SDE2: variants seen among roughly 807,000 people sequenced by gnomAD.
SDE2 encodes spliceosome associated SDE2, also known as splicing regulator SDE2.
Under a neutral mutation model 46.9 loss-of-function variants are expected in SDE2, and 31 were observed. The observed-to-expected ratio is 0.66, with a 90% CI of 0.50 to 0.89. SDE2 has a LOEUF of 0.89. Ranked by LOEUF, SDE2 falls within the 40% of genes least tolerant of loss-of-function variation. SDE2 has a pLI of 0.00. For synonymous variants in SDE2, 205 were observed against 204.3 expected, an observed-to-expected ratio of 1.00 and a Z score of -0.03; for missense variants, 542 against 564.4, an observed-to-expected ratio of 0.96 and a Z score of 0.40.
chr1:225,994,078 ATTC>A (rs1251679275), intron 2 of SDE2, among the ~76,000 whole-genome samples: 1 of 146,166 alleles, frequency 6.8e-6, no homozygotes, highest in Non-Finnish European at 1.5e-5. Context: ...CACATGCTTC[ATTC>A]TTTTTTTTTT....
intron 1 of SDE2, among the ~76,000 whole-genome samples, chr1:225,997,368 T>C (rs1431477297): frequency 6.6e-6 from 1 of 152,236 alleles, no homozygotes; most frequent in Non-Finnish European, 1.5e-5. Context: ...CTTTTGTGTT[T>C]CTATTCATAT....
chr1:225,991,867 AC>A (rs1656407792), intron 4 of SDE2, among the ~76,000 whole-genome samples: 1 of 152,200 alleles, frequency 6.6e-6, no homozygotes, highest in Non-Finnish European at 1.5e-5. Context: ...CTAAACACAA[AC>A]AAAAAATTTT....
At chr1:225,997,501 C>T (rs780116012) in intron 1 of SDE2, among the ~76,000 whole-genome samples, 1 of 152,186 alleles carries the variant, frequency 6.6e-6, no homozygotes, top group Non-Finnish European at 1.5e-5. Context: ...TCAATCTCGG[C>T]TCACTGCAAC....
At position 225,984,175 on chromosome 1, in the gene SDE2, A is replaced by C. The variant is rs1191701566; in HGVS notation, c.*1127T>G. 6.6e-6 allele frequency: 1 copy of C among 152,080 alleles called. No homozygotes were observed. The highest frequency in any genetic ancestry group is 1.5e-5 in the Non-Finnish European group (1 of 68,026). The allele number at this position is 152,080 out of a possible 1,614,324, so 9.4% of individuals were successfully genotyped here. On this transcript the variant is annotated 3_prime_UTR_variant, in exon 7 of 7. Coordinates refer to ENST00000272091, the MANE Select transcript of SDE2 (RefSeq NM_152608.4). ...GGCAGGAGAATCGCTTGAACCCAGG[A>C]GGCAGAGGTTGCAGTGAGCTGAGAT...
rs1656238292 is a variant in SDE2 at position 225,985,078 on chromosome 1, T to C, written c.*224A>G. ...TCAAACCAAAAAATGTGAATAGCCC[T>C]ATATTTATTAAATACACTATAGAAA... On this transcript the variant is annotated 3_prime_UTR_variant, in exon 7 of 7. Transcript: ENST00000272091. 1.8e-6 allele frequency: 1 copy of C among 548,652 alleles called. No homozygotes were observed. The highest frequency in any genetic ancestry group is 3.1e-5 in the East Asian group (1 of 32,160). The allele number at this position is 548,652 out of a possible 1,614,324, so 34.0% of individuals were successfully genotyped here. A position where few individuals can be genotyped will look rare whatever the true frequency, so the allele number is the denominator to read the frequency against.
Position 225,995,348 on chromosome 1 carries a change from A to G in SDE2, c.156T>C (p.Asn52=), listed in dbSNP as rs1230699044. 7.4e-6 allele frequency: 12 copies of G among 1,611,904 alleles called. No individual in the cohort carries two copies. The highest frequency in any genetic ancestry group is 1.0e-5 in the Non-Finnish European group (12 of 1,178,334). Residue 52 remains asparagine (N), a synonymous_variant, in exon 2 of 7, where the codon AAT becomes AAC. Coordinates refer to ENST00000272091, the MANE Select transcript of SDE2 (RefSeq NM_152608.4). ...VPVENFFVKC[N]GALINTSDTV... ...TGTCACTGGTGTTAATGAGTGCTCCATTGCATTTCACAAAGAAGTTTTCCA... is the reference window on the plus strand; with the variant it reads ...TGTCACTGGTGTTAATGAGTGCTCCGTTGCATTTCACAAAGAAGTTTTCCA...
intron 1 of SDE2, 62 bp downstream of exon 1, chr1:225,999,131 C>T: frequency 7.0e-7 from 1 of 1,419,578 alleles, no homozygotes; most frequent in Non-Finnish European, 9.9e-7. Context: ...AGACCTACTC[C>T]GCACCCAGCG....
intron 2 of SDE2, 109 bp from the exon 3 acceptor site, chr1:225,993,111 CTTTCTTTT>C (rs1656441206): frequency 1.3e-5 from 4 of 311,572 alleles, no homozygotes; most frequent in South Asian, 4.5e-5. Context: ...TCTCTACTTT[CTTTCTTTT>C]TTTTTTTTTT....
In SDE2 at chr1:225,986,576, T is replaced by C. The variant is rs568923324; in HGVS notation, c.1135-1053A>G. On this transcript the variant is annotated intron_variant, in intron 6 of 6. Transcript: ENST00000272091. ...TGACCAAATTCTAAAATGCCACTTA[T>C]GTGTGTTTAAAGAATCACACTTGGT... Among the ~76,000 whole-genome samples, 7 of 152,346 alleles carry C rather than the reference T, an allele frequency of 4.6e-5. No homozygotes were observed. The East Asian group carries it at 1.3e-3, about 29-fold the overall frequency.
rs1656496879 is a variant in SDE2, at chr1:225,995,320, CTG to C, written c.182_183del (p.Thr61SerfsTer8). 6.2e-7 allele frequency: 1 copy of C among 1,613,412 alleles called. No homozygotes were observed. Among genetic ancestry groups the C allele is most frequent in the Non-Finnish European group, 8.5e-7 (1 of 1,179,424 alleles). Reference sequence around the variant, plus strand: ...AAACTATAAACAGCTCCATGCTGCACTGTGTCACTGGTGTTAATGAGTGCTCC... The same window carrying C: ...AAACTATAAACAGCTCCATGCTGCACTGTCACTGGTGTTAATGAGTGCTCC... ...CNGALINTSDTVQHGAVYSLE... is the reference protein window; with the variant it reads ...CNGALINTSDXVQHGAVYSLE... On this transcript the variant is annotated frameshift_variant, in exon 2 of 7. Coordinates refer to ENST00000272091, the MANE Select transcript of SDE2 (RefSeq NM_152608.4). LOFTEE classifies it high-confidence loss of function.
chr1:225,984,308 A>G lies in SDE2; in HGVS notation c.*994T>C, dbSNP rs1656221573. 6.6e-6 allele frequency: 1 copy of G among 152,156 alleles called. No individual in the cohort carries two copies. The highest frequency in any genetic ancestry group is 2.4e-5 in the African/African-American group (1 of 41,444). 9.4% of individuals were successfully genotyped at this position (152,156 alleles called of 1,614,324 possible). ...TAAAAATACGACATAATAAAATTGTAAAGTCGCAACTAAAGTAATGCTTAA... is the reference window on the plus strand; with the variant it reads ...TAAAAATACGACATAATAAAATTGTGAAGTCGCAACTAAAGTAATGCTTAA... On this transcript the variant is annotated 3_prime_UTR_variant, in exon 7 of 7. Transcript: ENST00000272091.
At chr1:225,986,472 CTCTA>C (rs913303229) in intron 6 of SDE2, among the ~76,000 whole-genome samples, 3 of 152,042 alleles carry the variant, frequency 2.0e-5, no homozygotes, top group African/African-American at 4.8e-5. Context: ...TGGAGACATA[CTCTA>C]TCTTTCTAGT....
chr1:225,992,336 G>T, intron 4 of SDE2, 62 bp downstream of exon 4: 2 of 1,215,474 alleles, frequency 1.6e-6, no homozygotes, highest in Non-Finnish European at 2.4e-6. Flanking sequence ...GTAGTGTAGA[G>T]CAGTCTGAAC....
rs941209478 is a variant in SDE2 at position 225,984,525 on chromosome 1, C to T, written c.*777G>A. On this transcript the variant is annotated 3_prime_UTR_variant, in exon 7 of 7. Coordinates refer to ENST00000272091, the MANE Select transcript of SDE2 (RefSeq NM_152608.4). ...AAGGTTGGTTCTTTAAAAGTTATAT[C>T]GTCGGCCAGGCACGGTGGCTCACGC... 1.3e-5 allele frequency: 2 copies of T among 151,978 alleles called. No homozygotes were observed. Among genetic ancestry groups the T allele is most frequent in the Admixed American group, 6.6e-5 (1 of 15,248 alleles). 9.4% of individuals were successfully genotyped at this position (151,978 alleles called of 1,614,324 possible).
Position 225,992,952 on chromosome 1 carries a change from T to G in SDE2, c.289A>C (p.Asn97His), listed in dbSNP as rs1235668249. 6.2e-7 allele frequency: 1 copy of G among 1,613,594 alleles called. No individual in the cohort carries two copies. The highest frequency in any genetic ancestry group is 8.5e-7 in the Non-Finnish European group (1 of 1,179,624). ...CTGAGATCCCGACAAGCTTCTCGAT[T>G]GGTTGTCTTCTCAATCTGAGCACCA... ...ALGAQIEKTT[N>H]REACRDLSGR... The change falls in exon 3 of 7, where the codon AAT becomes CAT. Residue 97 changes from asparagine (N) to histidine (H), a missense_variant. By Grantham distance (68) the Asn-to-His change is moderately conservative. This residue lies in a region of SDE2 where 6 missense variants were observed against 20.1 expected (regional missense o/e 0.30). Coordinates refer to ENST00000272091, the MANE Select transcript of SDE2 (RefSeq NM_152608.4).
chr1:225,988,447 TTGGCTGGGCGCAG>T (rs1333081452), intron 5 of SDE2, 59 bp from the exon 6 acceptor site: 1 of 1,578,914 alleles, frequency 6.3e-7, no homozygotes, highest in Non-Finnish European at 8.6e-7. Context: ...AAGCAAAGAG[TTGGCTGGGCGCAG>T]TGGCTCAGGC....
At position 225,988,051 on chromosome 1, in the gene SDE2, T is replaced by C. The variant is rs1382938692; in HGVS notation, c.979A>G (p.Lys327Glu). Residue 327 changes from lysine (K) to glutamate (E), a missense_variant, in exon 6 of 7, where the codon AAA becomes GAA. By Grantham distance (56) the Lys-to-Glu change is moderately conservative (BLOSUM62 1). Coordinates refer to ENST00000272091, the MANE Select transcript of SDE2 (RefSeq NM_152608.4). ...EETQEKKAESKEPIEEEPTGA... is the reference protein window; with the variant it reads ...EETQEKKAESEEPIEEEPTGA... ...GTGGGCTCCTCTTCTATGGGTTCTT[T>C]ACTCTCTGCCTTCTTCTCCTGGGTC... The C allele has an allele frequency of 6.2e-7, 1 of 1,614,232 alleles. No individual in the cohort carries two copies. The highest frequency in any genetic ancestry group is 1.7e-5 in the Admixed American group (1 of 60,024).
intron 6 of SDE2, among the ~76,000 whole-genome samples, chr1:225,987,624 CTCA>C (rs1347128136): frequency 1.3e-5 from 2 of 152,128 alleles, no homozygotes; most frequent in Non-Finnish European, 2.9e-5. Context: ...TTATACACAT[CTCA>C]TTTTAGACAT....
rs1308842359 is a variant in SDE2 at position 225,997,674 on chromosome 1, G to GC, written c.120+1518dup. 1.1e-4 allele frequency among the ~76,000 whole-genome samples: 16 copies of GC among 152,072 alleles called. No individual in the cohort carries two copies. The East Asian group carries it at 2.7e-3, about 26-fold the overall frequency. On this transcript the variant is annotated intron_variant, in intron 1 of 6. Transcript: ENST00000272091. ...TCGAACTTCTGACCTCAGGTGATCT[G>GC]CCCGCCTCGACCTCCCTAAGTGTTG...
Sources: gnomAD v4.1 joint callset for allele counts (sites outside exome capture counted in the v4.1 genomes callset) on GRCh38, gnomAD v4.1.1 for gene constraint, gnomAD v4.1.1 regional missense constraint, MANE v1.5 for transcripts, NCBI Gene and HGNC (gene_info 2026-07-23, HGNC 2026-07-21) for gene names.